Variants in SYT9 observed in about 807,000 individuals in gnomAD.
The protein encoded by SYT9 is synaptotagmin 9.
Under a neutral mutation model 48.4 loss-of-function variants are expected in SYT9, and 22 were observed. The ratio of observed to expected loss-of-function variants is 0.45; its 90% CI spans 0.32 to 0.65. The LOEUF (loss-of-function observed/expected upper bound fraction) is 0.65, where lower values mean the gene tolerates loss of function less well. Among genes scored for constraint, SYT9 ranks in the 30% least tolerant of loss-of-function variants. SYT9 has a pLI of 0.03. For missense variants in SYT9, 577 were observed against 622.0 expected (o/e 0.93, Z 0.77); for synonymous variants, 265 against 245.0 (o/e 1.08, Z -0.76).
chr11:7,273,477 C>A (rs1006911507), intron 1 of SYT9, among the ~76,000 whole-genome samples: 3 of 151,922 alleles, frequency 2.0e-5, no homozygotes, highest in Non-Finnish European at 4.4e-5. Context: ...AGTTAAAGTG[C>A]GAGAGAGAAC....
chr11:7,449,841 C>G (rs767195234), intron 6 of SYT9, among the ~76,000 whole-genome samples: 14 of 152,190 alleles, frequency 9.2e-5, no homozygotes, highest in Middle Eastern at 3.4e-3. Context: ...TCGTCCATTC[C>G]CCAGTGTTTG....
At chr11:7,361,469 A>G (rs1387893886) in intron 3 of SYT9, among the ~76,000 whole-genome samples, 1 of 152,204 alleles carries the variant, frequency 6.6e-6, no homozygotes, top group African/African-American at 2.4e-5. Context: ...TTTTATAACT[A>G]TTCCATGATT....
intron 3 of SYT9, among the ~76,000 whole-genome samples, chr11:7,349,364 C>T (rs1376221487): frequency 1.7e-5 from 2 of 120,328 alleles, no homozygotes; most frequent in East Asian, 5.8e-4. Context: ...TACATTTTAC[C>T]ACAATAAAAA....
intron 6 of SYT9, chr11:7,441,327 G>A (rs1440324626): frequency 1.3e-5 from 2 of 152,214 alleles, no homozygotes; most frequent in Non-Finnish European, 2.9e-5. Context: ...ATCCAGTGGT[G>A]AGGGAGAAAC....
At chr11:7,406,432 T>G (rs1463492624) in intron 3 of SYT9, among the ~76,000 whole-genome samples, 1 of 151,968 alleles carries the variant, frequency 6.6e-6, no homozygotes, top group Non-Finnish European at 1.5e-5. Flanking sequence ...TGTCTTTCTG[T>G]GCCTGACTTA....
chr11:7,432,590 T>A (rs1847624445), intron 6 of SYT9, among the ~76,000 whole-genome samples: 36 of 2,798 alleles, frequency 0.013, 10 homozygotes, highest in African/African-American at 0.02. Context: ...AAAATATATA[T>A]ACATATATAT....
At chr11:7,398,089 T>G (rs1180186824) in intron 3 of SYT9, among the ~76,000 whole-genome samples, 1 of 152,212 alleles carries the variant, frequency 6.6e-6, no homozygotes, top group East Asian at 1.9e-4. Context: ...AGTATAATGT[T>G]AGCCGTAGCT....
At chr11:7,466,590 G>A (rs562164297) in intron 6 of SYT9, among the ~76,000 whole-genome samples, 119 of 151,872 alleles carry the variant, frequency 7.8e-4, no homozygotes, top group African/African-American at 2.8e-3. Context: ...GTGTGGCGGC[G>A]GGCACCTGTA....
At chr11:7,415,919 C>T in intron 3 of SYT9, 123 bp from the exon 4 acceptor site, 8 of 1,204,424 alleles carry the variant, frequency 6.6e-6, no homozygotes, top group Middle Eastern at 2.5e-4. Context: ...GAAGAGATAC[C>T]AGGGATTCTA....
At chr11:7,347,959 C>T (rs1191760772) in intron 3 of SYT9, among the ~76,000 whole-genome samples, 1 of 152,220 alleles carries the variant, frequency 6.6e-6, no homozygotes, top group Non-Finnish European at 1.5e-5. Flanking sequence ...GAAACAGCGA[C>T]TCTGCTCTAG....
At position 7,466,835 on chromosome 11, in the gene SYT9, A is replaced by T. The variant is rs1163947068; in HGVS notation, c.*35A>T. On this transcript the variant is annotated 3_prime_UTR_variant, in exon 7 of 7. Transcript: ENST00000318881. ...AGAGGACTGCTTGTGCCAAGGACAA[A>T]ATAGGACAACCATCTCACAAAGATC... is the stretch of plus-strand genomic sequence containing the variant. 6.2e-7 allele frequency: 1 copy of T among 1,609,410 alleles called. No homozygotes were observed. The highest frequency in any genetic ancestry group is 1.7e-5 in the Admixed American group (1 of 59,194).
At chr11:7,455,344 T>C (rs1282259468) in intron 6 of SYT9, among the ~76,000 whole-genome samples, 4 of 151,522 alleles carry the variant, frequency 2.6e-5, no homozygotes, top group African/African-American at 7.3e-5. Flanking sequence ...ATTTTTTTTT[T>C]TTTTTTTGAG....
At chr11:7,442,280 G>A (rs1013895654) in intron 6 of SYT9, among the ~76,000 whole-genome samples, 1 of 152,168 alleles carries the variant, frequency 6.6e-6, no homozygotes, top group Non-Finnish European at 1.5e-5. Flanking sequence ...GACTCGAAGA[G>A]GGGCTGGAGA....
intron 1 of SYT9, among the ~76,000 whole-genome samples, chr11:7,298,519 CT>C (rs933537003): frequency 6.6e-6 from 1 of 152,000 alleles, no homozygotes; most frequent in Admixed American, 6.6e-5. Flanking sequence ...CATGGTTTTT[CT>C]TTTTTTGTCT....
intron 3 of SYT9, among the ~76,000 whole-genome samples, chr11:7,362,930 C>T (rs1850171501): frequency 3.5e-5 from 2 of 57,342 alleles, no homozygotes; most frequent in Non-Finnish European, 4.0e-5. Context: ...TTTTATCTTT[C>T]TTCTTGCCAT....
At chr11:7,300,228 T>C (rs1848893948) in intron 1 of SYT9, among the ~76,000 whole-genome samples, 3 of 152,126 alleles carry the variant, frequency 2.0e-5, no homozygotes, top group Admixed American at 6.5e-5. Flanking sequence ...TTGCCCCAGG[T>C]TGTCAGTCAA....
chr11:7,324,921 T>A (rs1194289242), intron 3 of SYT9, among the ~76,000 whole-genome samples: 1 of 152,156 alleles, frequency 6.6e-6, no homozygotes, highest in Non-Finnish European at 1.5e-5. Context: ...AAAATGTGTT[T>A]TTCATCTCCT....
At chr11:7,297,079 TGTGTGTGAGAGAGAGAGAGAGACA>T (rs1848825415) in intron 1 of SYT9, among the ~76,000 whole-genome samples, 1 of 148,438 alleles carries the variant, frequency 6.7e-6, no homozygotes, top group South Asian at 2.1e-4. Context: ...TGTGTGTGTG[TGTGTGTGAGAGAGAGAGAGAGACA>T]GAGAGAGAGA....
At chr11:7,295,882 T>A (rs1033356692) in intron 1 of SYT9, among the ~76,000 whole-genome samples, 18 of 152,192 alleles carry the variant, frequency 1.2e-4, no homozygotes, top group African/African-American at 4.3e-4. Flanking sequence ...TTATTTTATA[T>A]CCCTAATTCA....
Sources: gnomAD v4.1 joint callset for allele counts (sites outside exome capture counted in the v4.1 genomes callset) on GRCh38, gnomAD v4.1.1 for gene constraint, MANE v1.5 for transcripts, NCBI Gene and HGNC (gene_info 2026-07-23, HGNC 2026-07-21) for gene names.